Variants in MELK observed in about 807,000 individuals in gnomAD.
MELK encodes the protein pEg3 kinase.
Under a neutral mutation model 85.0 loss-of-function variants are expected in MELK, and 81 were observed. That is an observed-to-expected ratio of 0.95 (90% CI 0.80 to 1.15). The LOEUF (loss-of-function observed/expected upper bound fraction) is 1.15, where lower values mean the gene tolerates loss of function less well. Ranked by LOEUF, MELK falls within the 50% of genes most tolerant of loss-of-function variation. The pLI is 0.00. For synonymous variants in MELK, 252 were observed against 265.0 expected (o/e 0.95, Z 0.48); for missense variants, 754 against 777.5 (o/e 0.97, Z 0.36).
At chr9:36,592,101 C>G (rs906288618) in intron 4 of MELK, among the ~76,000 whole-genome samples, 1 of 151,982 alleles carries the variant, frequency 6.6e-6, no homozygotes, top group Admixed American at 6.6e-5. Context: ...ATCTTCCCTC[C>G]TTGGCCTCCC....
At chr9:36,640,128 A>G (rs1829626248) in intron 10 of MELK, among the ~76,000 whole-genome samples, 1 of 152,208 alleles carries the variant, frequency 6.6e-6, no homozygotes, top group Admixed American at 6.5e-5. Context: ...TTGTGCTTAT[A>G]CCAGTCAATA....
chr9:36,674,528 C>T (rs564422689), intron 16 of MELK, among the ~76,000 whole-genome samples: 100 of 152,082 alleles, frequency 6.6e-4, no homozygotes, highest in Non-Finnish European at 1.1e-3. Flanking sequence ...GGAAAATAGG[C>T]AAAGCTCAAA....
chr9:36,607,277 A>T (rs539281003), intron 7 of MELK, among the ~76,000 whole-genome samples: 1 of 152,240 alleles, frequency 6.6e-6, no homozygotes, highest in East Asian at 1.9e-4. Context: ...ATCATGTCCA[A>T]TCCAGCCCAG....
intron 8 of MELK, among the ~76,000 whole-genome samples, chr9:36,618,789 C>A (rs1382764389): frequency 6.6e-6 from 1 of 152,126 alleles, no homozygotes; most frequent in Non-Finnish European, 1.5e-5. Flanking sequence ...ACCATTCTTT[C>A]TTAAGAGTGT....
chr9:36,584,911 GTCTTAC>G (rs1024647674), intron 3 of MELK, among the ~76,000 whole-genome samples: 3 of 151,860 alleles, frequency 2.0e-5, no homozygotes, highest in African/African-American at 7.3e-5. Context: ...TAGAAACAAG[GTCTTAC>G]TCTGTTGCCC....
chr9:36,589,166 T>C (rs987315469), intron 3 of MELK, among the ~76,000 whole-genome samples: 2 of 152,044 alleles, frequency 1.3e-5, no homozygotes, highest in Non-Finnish European at 2.9e-5. Flanking sequence ...TTTTTTTTTT[T>C]GAAACAGAGT....
chr9:36,660,741 C>T (rs1564220099), intron 13 of MELK, among the ~76,000 whole-genome samples: 1 of 151,924 alleles, frequency 6.6e-6, no homozygotes, highest in Non-Finnish European at 1.5e-5. Flanking sequence ...CCTGTAATCC[C>T]AGCACTTTGG....
rs1163916792 is a variant in MELK at position 36,657,148 on chromosome 9, ATG to A, written c.1054-89_1054-88del. 5.8e-6 allele frequency: 8 copies of A among 1,367,802 alleles called. No individual in the cohort carries two copies. The East Asian group carries it at 1.7e-4, about 28-fold the overall frequency. The allele number at this position is 1,367,802 out of a possible 1,614,324, so 84.7% of individuals were successfully genotyped here. ...AAAATTGCCTAATACATTTCTCAGAATGTGTCTCTGTCGTTAAGTGACGCGTG... is the reference window on the plus strand; with the variant it reads ...AAAATTGCCTAATACATTTCTCAGAATGTCTCTGTCGTTAAGTGACGCGTG... On this transcript the variant is annotated intron_variant, in intron 12 of 17. Coordinates refer to ENST00000298048, the MANE Select transcript of MELK (RefSeq NM_014791.4).
chr9:36,667,386 C>T (rs539999687), intron 14 of MELK, among the ~76,000 whole-genome samples: 1 of 152,166 alleles, frequency 6.6e-6, no homozygotes, highest in Non-Finnish European at 1.5e-5. Context: ...AAACTCCTGA[C>T]CTCAGGTGAT....
At chr9:36,595,869 G>A (rs1479857944) in intron 5 of MELK, among the ~76,000 whole-genome samples, 1 of 152,104 alleles carries the variant, frequency 6.6e-6, no homozygotes, top group African/African-American at 2.4e-5. Flanking sequence ...AGGCTGAAGT[G>A]CAGTGGCGCA....
At chr9:36,593,147 G>A (rs1023886756) in intron 4 of MELK, among the ~76,000 whole-genome samples, 1 of 128,444 alleles carries the variant, frequency 7.8e-6, no homozygotes, top group African/African-American at 2.9e-5. Context: ...ACTGGACATT[G>A]TTTCATATCA....
At chr9:36,588,529 G>T (rs1373265441) in intron 3 of MELK, among the ~76,000 whole-genome samples, 1 of 151,604 alleles carries the variant, frequency 6.6e-6, no homozygotes, top group South Asian at 2.1e-4. Flanking sequence ...ACAGCCATGC[G>T]GCACCATGCC....
chr9:36,606,328 TA>T (rs1363741464), intron 7 of MELK, among the ~76,000 whole-genome samples: 1 of 145,954 alleles, frequency 6.9e-6, no homozygotes, highest in Non-Finnish European at 1.5e-5. Context: ...GGTGTGTATA[TA>T]ATATATACAT....
rs571189297 is a variant in MELK at position 36,601,502 on chromosome 9, G to T, written c.567+2016G>T. On this transcript the variant is annotated intron_variant, in intron 7 of 17. Transcript: ENST00000298048. ...CCTTCTTAGTGCATTATAGGAAAGG[G>T]ACCAAATGTTTTCTGAACGTTTATC... Among the ~76,000 whole-genome samples the T allele has an allele frequency of 2.0e-5, 3 of 152,258 alleles. No homozygotes were observed. The South Asian group carries it at 6.2e-4, about 32-fold the overall frequency.
rs1833200057 is a variant in MELK at position 36,674,815 on chromosome 9, CTTCTT to C, written c.1675-16_1675-12del. ...TGATGTAAAAATTTACTTCTCATCTCTTCTTTTTCTTTTCTTAGCTTCACTATAAC... is the reference window on the plus strand; with the variant it reads ...TGATGTAAAAATTTACTTCTCATCTCTTTCTTTTCTTAGCTTCACTATAAC... On this transcript the variant is annotated splice_polypyrimidine_tract_variant and intron_variant, in intron 16 of 17. Transcript: ENST00000298048. 2.0e-6 allele frequency: 3 copies of C among 1,473,492 alleles called. No individual in the cohort carries two copies. The highest frequency in any genetic ancestry group is 2.8e-6 in the Non-Finnish European group (3 of 1,059,936). The allele number at this position is 1,473,492 out of a possible 1,614,324, so 91.3% of individuals were successfully genotyped here.
intron 13 of MELK, among the ~76,000 whole-genome samples, chr9:36,661,325 A>G (rs550208199): frequency 6.6e-6 from 1 of 152,240 alleles, no homozygotes; most frequent in Non-Finnish European, 1.5e-5. Flanking sequence ...CAAAAGAGGT[A>G]TACTTTGTTT....
chr9:36,579,798 G>A (rs1415761637), intron 1 of MELK, among the ~76,000 whole-genome samples: 1 of 152,034 alleles, frequency 6.6e-6, no homozygotes, highest in Non-Finnish European at 1.5e-5. Context: ...TAGCTCTATG[G>A]TTTTTAAAAA....
intron 4 of MELK, among the ~76,000 whole-genome samples, 178 bp downstream of exon 4, chr9:36,589,830 G>A (rs1823345149): frequency 6.6e-6 from 1 of 151,514 alleles, no homozygotes; most frequent in South Asian, 2.1e-4. Context: ...CAATGTAAAT[G>A]TCATTTTTCT....
At chr9:36,580,176 G>C (rs7865447) in intron 1 of MELK, among the ~76,000 whole-genome samples, 10,507 of 150,818 alleles carry the variant, frequency 0.07, 1,081 homozygotes, top group African/African-American at 0.22. Flanking sequence ...CTACAGGCGC[G>C]TGCCACCACC....
Sources: gnomAD v4.1 joint callset for allele counts (sites outside exome capture counted in the v4.1 genomes callset) on GRCh38, gnomAD v4.1.1 for gene constraint, MANE v1.5 for transcripts, NCBI Gene and HGNC (gene_info 2026-07-23, HGNC 2026-07-21) for gene names.